The following MACROD2 variants were observed in gnomAD, a reference collection of about 807,000 sequenced individuals.
MACROD2 encodes ADP-ribose glycohydrolase MACROD2.
Under a neutral mutation model 70.4 loss-of-function variants are expected in MACROD2, and 36 were observed. The observed-to-expected ratio is 0.51, with a 90% CI of 0.39 to 0.68. The LOEUF (loss-of-function observed/expected upper bound fraction) is 0.68, where lower values mean the gene tolerates loss of function less well. Among genes scored for constraint, MACROD2 ranks in the 30% least tolerant of loss-of-function variants. The pLI, the probability that MACROD2 is intolerant of heterozygous loss-of-function variation, is 0.00. For missense variants in MACROD2, 496 were observed against 538.4 expected, an observed-to-expected ratio of 0.92 and a Z score of 0.78; for synonymous variants, 172 against 178.8, an observed-to-expected ratio of 0.96 and a Z score of 0.30.
At chr20:14,394,691 C>T (rs573380455) in intron 3 of MACROD2, among the ~76,000 whole-genome samples, 9 of 152,152 alleles carry the variant, frequency 5.9e-5, no homozygotes, top group Admixed American at 2.0e-4. Flanking sequence ...GTAAAGCTTT[C>T]GGTCTTTCCC....
chr20:15,719,640 T>C (rs2050757402), intron 8 of MACROD2, among the ~76,000 whole-genome samples: 1 of 152,194 alleles, frequency 6.6e-6, no homozygotes, highest in Admixed American at 6.5e-5. Context: ...TTACTTTCTT[T>C]TATTTTTAAA....
At chr20:14,096,201 A>T (rs1017014037) in intron 3 of MACROD2, among the ~76,000 whole-genome samples, 1 of 152,150 alleles carries the variant, frequency 6.6e-6, no homozygotes, top group Non-Finnish European at 1.5e-5. Flanking sequence ...ATAGACCTGG[A>T]AGCAAATAGA....
At chr20:16,017,209 G>A (rs2066941447) in intron 15 of MACROD2, among the ~76,000 whole-genome samples, 1 of 152,112 alleles carries the variant, frequency 6.6e-6, no homozygotes, top group Non-Finnish European at 1.5e-5. Flanking sequence ...AACAGTATAA[G>A]CGTACTCTTG....
intron 5 of MACROD2, among the ~76,000 whole-genome samples, chr20:14,863,637 G>T (rs1485804551): frequency 6.6e-6 from 1 of 151,894 alleles, no homozygotes; most frequent in Non-Finnish European, 1.5e-5. Context: ...GACATATCTG[G>T]CTTAATATAT....
intron 6 of MACROD2, among the ~76,000 whole-genome samples, chr20:15,273,444 T>C (rs2077363537): frequency 6.6e-6 from 1 of 151,974 alleles, no homozygotes; most frequent in African/African-American, 2.4e-5. Context: ...ATGAAGGATA[T>C]ATACATATAT....
At chr20:14,419,116 G>A (rs865993852) in intron 3 of MACROD2, among the ~76,000 whole-genome samples, 2 of 152,030 alleles carry the variant, frequency 1.3e-5, no homozygotes, top group Non-Finnish European at 2.9e-5. Context: ...GTGCAATGGC[G>A]GGATCTCGGC....
At position 14,516,016 on chromosome 20, in the gene MACROD2, A is replaced by G. The variant is rs867184770; in HGVS notation, c.301+22508A>G. 1.1e-3 allele frequency among the ~76,000 whole-genome samples: 163 copies of G among 147,552 alleles called. No homozygotes were observed. The Middle Eastern group carries it at 0.018, about 16-fold the overall frequency. On this transcript the variant is annotated intron_variant, in intron 4 of 17. Coordinates refer to ENST00000684519, the MANE Select transcript of MACROD2 (RefSeq NM_001351661.2). Reference sequence around the variant, plus strand: ...ATTTTATATATTATATACTTTATATAAAATATAATATACTTTATAGTATCT... The same window carrying G: ...ATTTTATATATTATATACTTTATATGAAATATAATATACTTTATAGTATCT...
intron 3 of MACROD2, among the ~76,000 whole-genome samples, chr20:14,147,003 G>A (rs2054951289): frequency 2.0e-5 from 3 of 152,156 alleles, no homozygotes; most frequent in Admixed American, 1.3e-4. Context: ...ACTCCTGGGG[G>A]TGAGAGTATC....
intron 7 of MACROD2, among the ~76,000 whole-genome samples, chr20:15,461,006 A>ATATATATATATATATATATTTTTTT: frequency 3.7e-4 from 25 of 66,988 alleles, no homozygotes; most frequent in African/African-American, 7.6e-4. Flanking sequence ...ATATATATAT[A>ATATATATATATATATATATTTTTTT]TTTTTTTTTA....
chr20:14,047,235 A>G (rs946407050), intron 2 of MACROD2, among the ~76,000 whole-genome samples: 1 of 152,116 alleles, frequency 6.6e-6, no homozygotes, highest in Non-Finnish European at 1.5e-5. Flanking sequence ...TCACAAGGTC[A>G]GGAGTTCGAG....
chr20:14,202,869 T>TC (rs2081490825), intron 3 of MACROD2, among the ~76,000 whole-genome samples: 1 of 152,076 alleles, frequency 6.6e-6, no homozygotes, highest in African/African-American at 2.4e-5. Context: ...ACCAACATAG[T>TC]GAAACCCCGT....
chr20:15,299,240 C>T (rs1374788678), intron 6 of MACROD2, among the ~76,000 whole-genome samples: 2 of 152,076 alleles, frequency 1.3e-5, no homozygotes, highest in South Asian at 4.1e-4. Context: ...ATTTCTAACC[C>T]CCATTTTTGA....
intron 6 of MACROD2, among the ~76,000 whole-genome samples, chr20:15,252,911 A>G (rs758393785): frequency 2.6e-5 from 4 of 152,198 alleles, no homozygotes; most frequent in Non-Finnish European, 4.4e-5. Context: ...CATCACTTTG[A>G]TGGGGTCAGC....
At chr20:15,143,504 C>T (rs2076207709) in intron 5 of MACROD2, among the ~76,000 whole-genome samples, 1 of 152,098 alleles carries the variant, frequency 6.6e-6, no homozygotes, top group Non-Finnish European at 1.5e-5. Context: ...TGTGCAGAAG[C>T]TCTTTAGTTT....
chr20:14,683,254 C>T (rs975741328), intron 4 of MACROD2, among the ~76,000 whole-genome samples: 1 of 152,168 alleles, frequency 6.6e-6, no homozygotes, highest in African/African-American at 2.4e-5. Context: ...CTTAAGATAA[C>T]TACCACCAAA....
At chr20:14,619,838 A>G (rs781069760) in intron 4 of MACROD2, among the ~76,000 whole-genome samples, 1 of 152,160 alleles carries the variant, frequency 6.6e-6, no homozygotes, top group Non-Finnish European at 1.5e-5. Flanking sequence ...TGTTCGTGCT[A>G]TGATTCCACT....
intron 7 of MACROD2, among the ~76,000 whole-genome samples, chr20:15,485,068 C>T (rs2047146439): frequency 6.6e-6 from 1 of 151,612 alleles, no homozygotes; most frequent in South Asian, 2.1e-4. Flanking sequence ...ATCTTCCAAA[C>T]TCCTTGCATG....
intron 3 of MACROD2, among the ~76,000 whole-genome samples, chr20:14,377,798 C>A (rs1345891733): frequency 6.6e-6 from 1 of 152,152 alleles, no homozygotes; most frequent in Non-Finnish European, 1.5e-5. Flanking sequence ...GTTGTTAATT[C>A]ACTTTTCTGT....
At chr20:14,449,708 C>T (rs6131582) in intron 3 of MACROD2, among the ~76,000 whole-genome samples, 6 of 152,076 alleles carry the variant, frequency 3.9e-5, no homozygotes, top group African/African-American at 1.5e-4. Flanking sequence ...TATAAGTCCC[C>T]TTGGGATAGT....
Sources: gnomAD v4.1 joint callset for allele counts (sites outside exome capture counted in the v4.1 genomes callset) on GRCh38, gnomAD v4.1.1 for gene constraint, MANE v1.5 for transcripts, NCBI Gene and HGNC (gene_info 2026-07-23, HGNC 2026-07-21) for gene names.